The following ADCY2 variants were observed in gnomAD, a reference collection of about 807,000 sequenced individuals.
The protein encoded by ADCY2 is adenylate cyclase type 2.
ADCY2 carries 31 observed loss-of-function variants against 125.2 expected under a neutral mutation model. The observed-to-expected ratio is 0.25, with a 90% CI of 0.19 to 0.33. ADCY2 has a LOEUF of 0.33. Among genes scored for constraint, ADCY2 ranks in the 10% least tolerant of loss-of-function variants. ADCY2 has a pLI of 1.00. For missense variants in ADCY2, 904 were observed against 1,418.2 expected, an observed-to-expected ratio of 0.64 and a Z score of 5.82; for synonymous variants, 512 against 548.4, an observed-to-expected ratio of 0.93 and a Z score of 0.93.
At chr5:7,460,455 G>GT in intron 2 of ADCY2, among the ~76,000 whole-genome samples, 1 of 152,004 alleles carries the variant, frequency 6.6e-6, no homozygotes, top group East Asian at 1.9e-4. Context: ...TACTATAGTT[G>GT]TTTTTAAAAT....
chr5:7,745,050 G>A (rs1473071312), intron 15 of ADCY2, among the ~76,000 whole-genome samples: 3 of 152,162 alleles, frequency 2.0e-5, no homozygotes, highest in Non-Finnish European at 4.4e-5. Flanking sequence ...TGCGTTTATA[G>A]TTTGCATCTG....
intron 3 of ADCY2, among the ~76,000 whole-genome samples, chr5:7,576,937 T>G (rs556550585): frequency 6.6e-6 from 1 of 152,344 alleles, no homozygotes; most frequent in Non-Finnish European, 1.5e-5. Context: ...TTTTCCTGAA[T>G]AGACTTATCT....
intron 20 of ADCY2, chr5:7,800,006 T>C (rs73047086): frequency 0.032 from 4,842 of 152,380 alleles, 279 homozygotes; most frequent in African/African-American, 0.11. Context: ...AGAGGACCTG[T>C]GCTACCCCCA....
At position 7,559,861 on chromosome 5, in the gene ADCY2, T is replaced by C. The variant is rs140775186; in HGVS notation, c.570+38962T>C. Among the ~76,000 whole-genome samples, 38 of 152,312 alleles carry C rather than the reference T, an allele frequency of 2.5e-4. No individual in the cohort carries two copies. In the East Asian group the frequency reaches 7.2e-3, roughly 29 times the overall value. On this transcript the variant is annotated intron_variant, in intron 3 of 24. Transcript: ENST00000338316. ...AGCCTACTTCAGAAAGATAAAACTTTTATGAAAATTTGGAGCAGAAATGGC... is the reference window on the plus strand; with the variant it reads ...AGCCTACTTCAGAAAGATAAAACTTCTATGAAAATTTGGAGCAGAAATGGC...
intron 15 of ADCY2, chr5:7,749,802 A>G (rs1742746172): frequency 6.6e-6 from 1 of 152,250 alleles, no homozygotes; most frequent in Admixed American, 6.5e-5. Context: ...CCAGGCAGAG[A>G]TAAAAGCGCA....
intron 2 of ADCY2, among the ~76,000 whole-genome samples, chr5:7,490,655 G>GCATGCATGCACACACACA (rs968557069): frequency 4.6e-5 from 7 of 151,650 alleles, no homozygotes; most frequent in Non-Finnish European, 7.4e-5. Context: ...ACACACACAT[G>GCATGCATGCACACACACA]CATGCATGCA....
At chr5:7,465,639 A>G (rs1383334187) in intron 2 of ADCY2, among the ~76,000 whole-genome samples, 1 of 152,184 alleles carries the variant, frequency 6.6e-6, no homozygotes, top group Non-Finnish European at 1.5e-5. Flanking sequence ...TTTAATTACC[A>G]TGTTTTTATT....
intron 1 of ADCY2, among the ~76,000 whole-genome samples, chr5:7,412,444 T>C (rs1739761180): frequency 6.6e-6 from 1 of 152,190 alleles, no homozygotes; most frequent in Admixed American, 6.5e-5. Flanking sequence ...ATCTCAGATT[T>C]GATGTCCTCA....
chr5:7,637,450 AAGAG>A (rs1411000993), intron 4 of ADCY2, among the ~76,000 whole-genome samples: 9 of 151,252 alleles, frequency 6.0e-5, no homozygotes, highest in African/African-American at 1.7e-4. Flanking sequence ...AAAAAAAAAA[AAGAG>A]AAGAAGAAGA....
intron 4 of ADCY2, among the ~76,000 whole-genome samples, chr5:7,687,500 C>T (rs993109132): frequency 2.0e-5 from 3 of 152,022 alleles, no homozygotes; most frequent in East Asian, 3.9e-4. Flanking sequence ...AGGGTGAGGG[C>T]GTGGGACCAT....
At chr5:7,456,205 T>G (rs1261779909) in intron 2 of ADCY2, among the ~76,000 whole-genome samples, 1 of 152,152 alleles carries the variant, frequency 6.6e-6, no homozygotes, top group African/African-American at 2.4e-5. Flanking sequence ...AAAAACAGAA[T>G]AAATAATGTT....
At chr5:7,776,356 G>A (rs759586121) in intron 18 of ADCY2, among the ~76,000 whole-genome samples, 2 of 152,112 alleles carry the variant, frequency 1.3e-5, no homozygotes, top group Non-Finnish European at 2.9e-5. Context: ...TGAAGTCACG[G>A]CATTTTGTCC....
chr5:7,757,394 T>C (rs1249321041), intron 15 of ADCY2, 55 bp from the exon 16 acceptor site: 3 of 1,583,684 alleles, frequency 1.9e-6, no homozygotes, highest in Non-Finnish European at 2.6e-6. Context: ...ATCAAGAAAC[T>C]GGAGAGAAGT....
At position 7,818,000 on chromosome 5, in the gene ADCY2, C is replaced by T. The variant is rs1745172938; in HGVS notation, c.2998+1020C>T. ...TGTGTTTTAAGCCATCAAGTCAACA[C>T]ACAGCTTGGTTGCGATGTGTGCAGT... On this transcript the variant is annotated intron_variant, in intron 23 of 24. Transcript: ENST00000338316. Among the ~76,000 whole-genome samples the T allele has an allele frequency of 2.0e-5, 3 of 152,090 alleles. 1 individual carries two copies. The highest frequency in any genetic ancestry group is 4.8e-5 in the African/African-American group (2 of 41,404).
At chr5:7,779,409 C>T (rs1051662287) in intron 18 of ADCY2, among the ~76,000 whole-genome samples, 6 of 152,188 alleles carry the variant, frequency 3.9e-5, no homozygotes, top group Admixed American at 2.6e-4. Flanking sequence ...ATCATCAGTT[C>T]TTCCATGTGA....
chr5:7,558,233 AG>A (rs1173596474), intron 3 of ADCY2, among the ~76,000 whole-genome samples: 1 of 151,882 alleles, frequency 6.6e-6, no homozygotes, highest in African/African-American at 2.4e-5. Context: ...TTGTGCTTTT[AG>A]TAGAGATGGG....
chr5:7,489,560 G>A (rs112386592), intron 2 of ADCY2, among the ~76,000 whole-genome samples: 10 of 152,112 alleles, frequency 6.6e-5, no homozygotes, highest in South Asian at 2.1e-4. Context: ...TCCCCTGCAC[G>A]AGCTCTCTTG....
At chr5:7,826,535 AAAC>A (rs10556518) in intron 24 of ADCY2, 181 bp from the exon 25 acceptor site, 438,316 of 797,252 alleles carry the variant, frequency 0.55, 122,214 homozygotes, top group Admixed American at 0.63. Context: ...GCGCTGAATT[AAAC>A]AACATTGTCC....
At chr5:7,573,870 A>C (rs1011232722) in intron 3 of ADCY2, among the ~76,000 whole-genome samples, 3 of 135,896 alleles carry the variant, frequency 2.2e-5, no homozygotes, top group Non-Finnish European at 4.8e-5. Context: ...CTAACTCGTC[A>C]TCTAGCATTA....
Sources: allele counts gnomAD v4.1 joint callset (sites outside exome capture counted in the v4.1 genomes callset), GRCh38; gene constraint gnomAD v4.1.1; transcripts MANE v1.5; gene names NCBI Gene and HGNC (gene_info 2026-07-23, HGNC 2026-07-21).